Variants in CCDC122 observed in about 807,000 individuals in gnomAD.
CCDC122 encodes the protein coiled-coil domain-containing protein 122.
Under a neutral mutation model 37.0 loss-of-function variants are expected in CCDC122, and 38 were observed. The observed-to-expected ratio is 1.03, with a 90% CI of 0.79 to 1.35. The LOEUF (loss-of-function observed/expected upper bound fraction) is 1.35. Ranked by LOEUF, CCDC122 falls within the 40% of genes most tolerant of loss-of-function variation. CCDC122 has a pLI of 0.00. For synonymous variants in CCDC122, 83 were observed against 95.6 expected, an observed-to-expected ratio of 0.87 and a Z score of 0.77; for missense variants, 305 against 310.0, an observed-to-expected ratio of 0.98 and a Z score of 0.12.
intron 3 of CCDC122, among the ~76,000 whole-genome samples, chr13:43,825,326 T>C (rs1479566045): frequency 6.6e-6 from 1 of 152,196 alleles, no homozygotes; most frequent in African/African-American, 2.4e-5. Context: ...TTGCATGCTG[T>C]CACTTATAAC....
At chr13:43,841,233 A>G (rs7328883) in intron 6 of CCDC122, among the ~76,000 whole-genome samples, 23,261 of 151,994 alleles carry the variant, frequency 0.15, 1,939 homozygotes, top group East Asian at 0.25. Context: ...TATTTTTTTC[A>G]TTTTTCTTGA....
rs1489918504 is a variant in CCDC122, at chr13:43,837,056, C to T, written c.*224G>A. ...CACAGAGACTCTTGCATTATTTTCCCGTAGACATTCCTATTGTCTGTCTAC... is the reference window on the plus strand; with the variant it reads ...CACAGAGACTCTTGCATTATTTTCCTGTAGACATTCCTATTGTCTGTCTAC... On this transcript the variant is annotated 3_prime_UTR_variant, in exon 7 of 7. Transcript: ENST00000444614. 3 of 468,870 alleles carry T rather than the reference C, an allele frequency of 6.4e-6. No individual in the cohort carries two copies. The East Asian group carries it at 1.1e-4, about 17-fold the overall frequency. 29.0% of individuals were successfully genotyped at this position (468,870 alleles called of 1,614,324 possible). A position where few individuals can be genotyped will look rare whatever the true frequency, so the allele number is the denominator to read the frequency against.
intron 6 of CCDC122, among the ~76,000 whole-genome samples, chr13:43,841,769 G>A (rs1484401721): frequency 6.6e-6 from 1 of 152,138 alleles, no homozygotes; most frequent in Non-Finnish European, 1.5e-5. Flanking sequence ...GTACTGCAGT[G>A]GCATGATCAC....
chr13:43,842,725 C>T (rs1455274639), intron 6 of CCDC122, among the ~76,000 whole-genome samples: 2 of 151,904 alleles, frequency 1.3e-5, no homozygotes, highest in African/African-American at 2.4e-5. Flanking sequence ...TAGTTTTGCA[C>T]ATTTTTTCAC....
At chr13:43,844,247 T>C (rs916852037) in intron 6 of CCDC122, among the ~76,000 whole-genome samples, 1 of 152,034 alleles carries the variant, frequency 6.6e-6, no homozygotes, top group African/African-American at 2.4e-5. Context: ...TATCCTTCAA[T>C]TTCAAATATA....
At chr13:43,863,288 T>C (rs1442738697) in intron 4 of CCDC122, among the ~76,000 whole-genome samples, 1 of 152,208 alleles carries the variant, frequency 6.6e-6, no homozygotes, top group African/African-American at 2.4e-5. Context: ...TACATAATTT[T>C]AAGTCTTATT....
intron 2 of CCDC122, among the ~76,000 whole-genome samples, chr13:43,872,154 A>G (rs976287520): frequency 6.6e-6 from 1 of 151,920 alleles, no homozygotes; most frequent in Admixed American, 6.6e-5. Context: ...GTATTTTGAC[A>G]GTATGTGCTG....
rs186350371 is a variant in CCDC122, at chr13:43,825,095, C to T, written n.602-1084G>A. 1.6e-4 allele frequency among the ~76,000 whole-genome samples: 24 copies of T among 152,294 alleles called. No homozygotes were observed. The East Asian group carries it at 3.5e-3, about 22-fold the overall frequency. On this transcript the variant is annotated intron_variant and non_coding_transcript_variant, in intron 3 of 3. Coordinates refer to the CCDC122 transcript ENST00000470137. ...TTGTTCTACCAAAAAGACCCTTGCA[C>T]GGGTATGTACTTTAATTAAAGCACT...
chr13:43,827,669 C>T (rs878867201), intron 3 of CCDC122, among the ~76,000 whole-genome samples: 5 of 152,086 alleles, frequency 3.3e-5, no homozygotes, highest in East Asian at 1.9e-4. Context: ...CATATATGGA[C>T]GGTTGACTTT....
chr13:43,826,735 G>A (rs776064943), intron 3 of CCDC122, among the ~76,000 whole-genome samples: 29 of 152,134 alleles, frequency 1.9e-4, no homozygotes, highest in Non-Finnish European at 1.0e-4. Context: ...TTTCAGCAGT[G>A]CAAAAAATAA....
At chr13:43,858,746 C>A in intron 6 of CCDC122, 35 bp downstream of exon 6, 1 of 1,313,446 alleles carries the variant, frequency 7.6e-7, no homozygotes, top group Non-Finnish European at 1.0e-6. Flanking sequence ...AAAATGGTCC[C>A]ATAAAACATT....
At chr13:43,863,669 A>G (rs1297520019) in intron 4 of CCDC122, among the ~76,000 whole-genome samples, 3 of 113,932 alleles carry the variant, frequency 2.6e-5, no homozygotes, top group Non-Finnish European at 5.5e-5. Context: ...TAGCCATTCT[A>G]GTGGGTTGTG....
chr13:43,823,601 C>A (rs1394727163), downstream of CCDC122, among the ~76,000 whole-genome samples: 1 of 152,236 alleles, frequency 6.6e-6, no homozygotes, highest in Non-Finnish European at 1.5e-5. Context: ...AGTGGCAAGG[C>A]CTTCAGAGAA....
At chr13:43,865,461 T>A (rs972783299) in intron 4 of CCDC122, among the ~76,000 whole-genome samples, 1 of 152,160 alleles carries the variant, frequency 6.6e-6, no homozygotes, top group African/African-American at 2.4e-5. Flanking sequence ...ATATACACTA[T>A]GTTTTTTTTT....
At chr13:43,836,246 T>C (rs1681009311), downstream of CCDC122, 1 of 152,228 alleles carries the variant, frequency 6.6e-6, no homozygotes, top group Non-Finnish European at 1.5e-5. Context: ...TTTGATTTAT[T>C]GACATTTTGC....
chr13:43,845,967 C>T (rs189276734), intron 6 of CCDC122, among the ~76,000 whole-genome samples: 21 of 152,208 alleles, frequency 1.4e-4, no homozygotes, highest in Non-Finnish European at 2.4e-4. Context: ...TCCTGTAGAA[C>T]GTTTAACATA....
chr13:43,825,769 CAAAAA>C (rs58173578), intron 3 of CCDC122, among the ~76,000 whole-genome samples: 1 of 73,534 alleles, frequency 1.4e-5, no homozygotes, highest in African/African-American at 5.3e-5. Flanking sequence ...GACTCCGTCT[CAAAAA>C]AAAAAAAAAA....
In CCDC122 at chr13:43,837,314, G is replaced by A; in HGVS notation, c.788C>T (p.Ala263Val). 1 of 1,613,846 alleles carries A rather than the reference G, an allele frequency of 6.2e-7. No individual in the cohort carries two copies. The highest frequency in any genetic ancestry group is 8.5e-7 in the Non-Finnish European group (1 of 1,179,936). ...WNIQQLEKTAAELRKCIGMQE is the reference protein window; with the variant it reads ...WNIQQLEKTAVELRKCIGMQE ...CATTCCAATGCATTTTCTTAATTCGGCTGCAGTTTTTTCCAATTGTTGAAT... is the reference window on the plus strand; with the variant it reads ...CATTCCAATGCATTTTCTTAATTCGACTGCAGTTTTTTCCAATTGTTGAAT... The change falls in exon 7 of 7, where the codon GCC (alanine) becomes GTC (valine). Residue 263 changes from alanine (A) to valine (V), a missense_variant. Ala to Val is a moderately conservative substitution (Grantham distance 64). Transcript: ENST00000444614.
At chr13:43,858,003 A>G (rs1055097689) in intron 6 of CCDC122, 1 of 152,226 alleles carries the variant, frequency 6.6e-6, no homozygotes, top group African/African-American at 2.4e-5. Context: ...CTTAATGTCT[A>G]CAAGGGCAAA....
Sources: allele counts gnomAD v4.1 joint callset (sites outside exome capture counted in the v4.1 genomes callset), GRCh38; gene constraint gnomAD v4.1.1; transcripts MANE v1.5; gene names NCBI Gene and HGNC (gene_info 2026-07-23, HGNC 2026-07-21).